SLC1A1: variants seen among roughly 807,000 people sequenced by gnomAD.
SLC1A1 encodes the protein excitatory amino acid transporter 3.
SLC1A1 carries 43 observed loss-of-function variants against 53.3 expected under a neutral mutation model. That is an observed-to-expected ratio of 0.81 (90% CI 0.63 to 1.04). The LOEUF is 1.04. Ranked by LOEUF, SLC1A1 falls within the 50% of genes least tolerant of loss-of-function variation. The pLI, the probability that SLC1A1 is intolerant of heterozygous loss-of-function variation, is 0.00. For synonymous variants in SLC1A1, 307 were observed against 243.2 expected, an observed-to-expected ratio of 1.26 and a Z score of -2.44; for missense variants, 748 against 664.9, an observed-to-expected ratio of 1.12 and a Z score of -1.37.
intron 1 of SLC1A1, among the ~76,000 whole-genome samples, chr9:4,523,325 A>C (rs956733015): frequency 6.6e-6 from 1 of 151,960 alleles, no homozygotes; most frequent in East Asian, 1.9e-4. Context: ...CATTGGAAAT[A>C]ATTTCAGAAG....
chr9:4,509,515 G>A (rs1164619290), intron 1 of SLC1A1, among the ~76,000 whole-genome samples: 4 of 151,494 alleles, frequency 2.6e-5, no homozygotes, highest in African/African-American at 2.4e-5. Context: ...AAAAGGCAGG[G>A]CCTATGTGGC....
Position 4,583,884 on chromosome 9 carries a change from A to T in SLC1A1, c.1328+712A>T, listed in dbSNP as rs177301. The stretch of plus-strand genomic sequence containing the variant: ...CTCTCTCTCTCTCTCTCTCTCTCTC[A>T]CACACACACACACACACACACACAC... On this transcript the variant is annotated intron_variant, in intron 11 of 11. Coordinates refer to ENST00000262352, the MANE Select transcript of SLC1A1 (RefSeq NM_004170.6). The surrounding 1 kb of genome is among the most constrained non-coding windows in gnomAD (Gnocchi z 4.6). 0.1 allele frequency among the ~76,000 whole-genome samples: 3,730 copies of T among 36,286 alleles called. 52 individuals carry two copies. The highest frequency in any genetic ancestry group is 0.28 in the East Asian group (242 of 862). The allele number at this position is 36,286 out of a possible 152,430, so 23.8% of individuals were successfully genotyped here.
chr9:4,491,586 C>T (rs1820238013), intron 1 of SLC1A1, among the ~76,000 whole-genome samples: 1 of 152,198 alleles, frequency 6.6e-6, no homozygotes, highest in Admixed American at 6.5e-5. Flanking sequence ...ATGTCTGAGC[C>T]ATTGCTCAGA....
At chr9:4,539,414 G>A (rs1328222137) in intron 1 of SLC1A1, among the ~76,000 whole-genome samples, 1 of 152,142 alleles carries the variant, frequency 6.6e-6, no homozygotes, top group African/African-American at 2.4e-5. Flanking sequence ...TCTGAGACAA[G>A]GCTGTGGACT....
intron 1 of SLC1A1, among the ~76,000 whole-genome samples, chr9:4,514,917 C>T (rs1821113816): frequency 6.6e-6 from 1 of 152,068 alleles, no homozygotes; most frequent in African/African-American, 2.4e-5. Context: ...CATTACATTA[C>T]TTTACATTAC....
intron 2 of SLC1A1, chr9:4,553,857 T>A (rs566694330): frequency 2.6e-5 from 4 of 152,332 alleles, no homozygotes; most frequent in Admixed American, 2.0e-4. Flanking sequence ...ATGTCATAGG[T>A]GATGCATGCA....
intron 2 of SLC1A1, among the ~76,000 whole-genome samples, chr9:4,559,162 A>G (rs979081342): frequency 6.6e-6 from 1 of 152,182 alleles, no homozygotes; most frequent in South Asian, 2.1e-4. Context: ...CCTAATTGTT[A>G]TCTTTCATTG....
chr9:4,523,947 T>C lies in SLC1A1; in HGVS notation c.92-20620T>C, dbSNP rs142385153. 2.8e-3 allele frequency among the ~76,000 whole-genome samples: 420 copies of C among 152,370 alleles called. 6 individuals are homozygous for C. The highest frequency in any genetic ancestry group is 9.8e-3 in the African/African-American group (408 of 41,594). On this transcript the variant is annotated intron_variant, in intron 1 of 11. Transcript: ENST00000262352. ...GTCTCTTCTTAAAGAGCCTGCCTCC[T>C]GAAGGGTTACTGATGAATTCCTTTC...
intron 1 of SLC1A1, among the ~76,000 whole-genome samples, chr9:4,521,308 A>T (rs1392591959): frequency 6.6e-6 from 1 of 152,186 alleles, no homozygotes; most frequent in Non-Finnish European, 1.5e-5. Flanking sequence ...TTTACCCATA[A>T]GTATTTGGAA....
chr9:4,576,434 T>C, intron 9 of SLC1A1, 135 bp from the exon 10 acceptor site: 1 of 790,930 alleles, frequency 1.3e-6, no homozygotes, highest in Non-Finnish European at 2.2e-6. Context: ...TTTGTTTTGT[T>C]ATTTTCTTTA....
At chr9:4,494,838 C>A (rs1302291667) in intron 1 of SLC1A1, among the ~76,000 whole-genome samples, 3 of 152,050 alleles carry the variant, frequency 2.0e-5, no homozygotes, top group Admixed American at 2.0e-4. Flanking sequence ...ACCCTATTCA[C>A]AATATAATAC....
At chr9:4,532,997 A>G (rs1816533121) in intron 1 of SLC1A1, among the ~76,000 whole-genome samples, 1 of 152,202 alleles carries the variant, frequency 6.6e-6, no homozygotes, top group South Asian at 2.1e-4. Context: ...AAAATACTTT[A>G]CAGACAAGCA....
intron 1 of SLC1A1, among the ~76,000 whole-genome samples, chr9:4,527,121 C>T (rs10974595): frequency 0.11 from 16,873 of 152,142 alleles, 1,465 homozygotes; most frequent in African/African-American, 0.24. Flanking sequence ...AACAGTAGGA[C>T]TTGCAGGAGC....
chr9:4,502,389 G>GAAAAA (rs775499017), intron 1 of SLC1A1, among the ~76,000 whole-genome samples: 4,572 of 56,470 alleles, frequency 0.081, 952 homozygotes, highest in East Asian at 0.12. Context: ...CCTGTCTCCA[G>GAAAAA]AAAAAAAAAA....
Position 4,515,665 on chromosome 9 carries a change from G to A in SLC1A1, c.91+24895G>A, listed in dbSNP as rs147201298. ...TTATCCAGCTGGCTGAGTTCCTCTA[G>A]ACATCCAACTGGTTTTCACTCCTAG... On this transcript the variant is annotated intron_variant, in intron 1 of 11. Transcript: ENST00000262352. Among the ~76,000 whole-genome samples the A allele has an allele frequency of 5.9e-5, 9 of 152,358 alleles. No individual in the cohort carries two copies. In the East Asian group the frequency reaches 1.7e-3, roughly 29 times the overall value.
intron 6 of SLC1A1, among the ~76,000 whole-genome samples, chr9:4,569,738 T>C (rs1819847465): frequency 6.6e-6 from 1 of 152,234 alleles, no homozygotes; most frequent in Admixed American, 6.5e-5. Context: ...TCTCTAGTTT[T>C]CACAGCTTAC....
chr9:4,555,132 G>C (rs1460995050), intron 2 of SLC1A1, among the ~76,000 whole-genome samples: 2 of 152,214 alleles, frequency 1.3e-5, no homozygotes, highest in Non-Finnish European at 2.9e-5. Context: ...AGCCCAGTCT[G>C]TCCCACCAAA....
At chr9:4,511,727 G>A (rs771266408) in intron 1 of SLC1A1, among the ~76,000 whole-genome samples, 9 of 152,004 alleles carry the variant, frequency 5.9e-5, no homozygotes, top group Non-Finnish European at 8.8e-5. Flanking sequence ...CTGGGCCAGT[G>A]CAACAGGGCA....
At chr9:4,507,994 G>T (rs7033181) in intron 1 of SLC1A1, among the ~76,000 whole-genome samples, 1 of 152,134 alleles carries the variant, frequency 6.6e-6, no homozygotes, top group East Asian at 1.9e-4. Flanking sequence ...GGAGGAAAAG[G>T]TGTACCCTTC....
Sources: gnomAD v4.1 joint callset for allele counts (sites outside exome capture counted in the v4.1 genomes callset) on GRCh38, gnomAD v4.1.1 for gene constraint, Gnocchi (gnomAD v3.1) non-coding constraint, MANE v1.5 for transcripts, NCBI Gene and HGNC (gene_info 2026-07-23, HGNC 2026-07-21) for gene names.